Variants in PRKCI observed in about 807,000 individuals in gnomAD.
The protein encoded by PRKCI is protein kinase C iota.
Under a neutral mutation model 84.0 loss-of-function variants are expected in PRKCI, and 43 were observed. The observed-to-expected ratio is 0.51, with a 90% confidence interval of 0.40 to 0.66. The LOEUF (loss-of-function observed/expected upper bound fraction) is 0.66. Ranked by LOEUF, PRKCI falls within the 30% of genes least tolerant of loss-of-function variation. The pLI is 0.00. For missense variants in PRKCI, 459 were observed against 745.6 expected (o/e 0.62, Z 4.48); for synonymous variants, 216 against 234.4 (o/e 0.92, Z 0.72).
chr3:170,237,661 C>G (rs1187492182), intron 2 of PRKCI, among the ~76,000 whole-genome samples: 4 of 152,152 alleles, frequency 2.6e-5, no homozygotes, highest in Non-Finnish European at 1.5e-5. Flanking sequence ...GGGATCATTT[C>G]TATCTTCCCT....
intron 5 of PRKCI, among the ~76,000 whole-genome samples, chr3:170,268,920 T>A (rs535734871): frequency 5.3e-4 from 80 of 152,244 alleles, no homozygotes; most frequent in Admixed American, 1.3e-3. Flanking sequence ...TTATTTATTT[T>A]TTTTTTATTT....
intron 8 of PRKCI, among the ~76,000 whole-genome samples, chr3:170,276,987 T>C (rs1308690669): frequency 6.6e-6 from 1 of 151,338 alleles, no homozygotes; most frequent in African/African-American, 2.4e-5. Flanking sequence ...ACACCAGTAA[T>C]CCCAGCACTT....
intron 14 of PRKCI, among the ~76,000 whole-genome samples, chr3:170,295,420 G>C (rs941955780): frequency 3.9e-5 from 6 of 151,994 alleles, no homozygotes; most frequent in African/African-American, 1.4e-4. Context: ...TGTAATCCCA[G>C]CACTTTGGGA....
intron 1 of PRKCI, among the ~76,000 whole-genome samples, chr3:170,229,141 A>G (rs921922276): frequency 6.6e-6 from 1 of 152,142 alleles, no homozygotes. Context: ...CGGTATATTT[A>G]TAAGTATAGA....
intron 2 of PRKCI, among the ~76,000 whole-genome samples, chr3:170,235,566 C>CTTTT (rs199938459): frequency 7.3e-6 from 1 of 136,238 alleles, no homozygotes. Flanking sequence ...ATTAACTTGA[C>CTTTT]TTTTTTTTTT....
At chr3:170,285,840 A>G (rs1577370419) in intron 12 of PRKCI, among the ~76,000 whole-genome samples, 1 of 147,238 alleles carries the variant, frequency 6.8e-6, no homozygotes, top group Non-Finnish European at 1.5e-5. Flanking sequence ...CGCCTCCTGG[A>G]TTCAAGCCGT....
intron 16 of PRKCI, among the ~76,000 whole-genome samples, chr3:170,298,421 T>C (rs533019235): frequency 7.3e-5 from 11 of 149,876 alleles, no homozygotes; most frequent in Admixed American, 6.6e-4. Flanking sequence ...TTTTTTTTTT[T>C]TGAGATGGTG....
At chr3:170,301,994 T>C (rs1293128832) in intron 17 of PRKCI, among the ~76,000 whole-genome samples, 1 of 152,186 alleles carries the variant, frequency 6.6e-6, no homozygotes, top group African/African-American at 2.4e-5. Flanking sequence ...CATTCCCTAG[T>C]AGTATTATTG....
At chr3:170,243,375 A>G (rs966468357) in intron 2 of PRKCI, among the ~76,000 whole-genome samples, 1 of 152,186 alleles carries the variant, frequency 6.6e-6, no homozygotes, top group Admixed American at 6.5e-5. Flanking sequence ...GCTGAGTAGT[A>G]TTCTATCCTG....
chr3:170,276,092 C>A (rs2108856547), intron 8 of PRKCI, among the ~76,000 whole-genome samples: 1 of 152,000 alleles, frequency 6.6e-6, no homozygotes, highest in South Asian at 2.1e-4. Flanking sequence ...TGCCACCACA[C>A]CCAGCTAATT....
Position 170,291,673 on chromosome 3 carries a change from G to A in PRKCI, c.1204-181G>A, listed in dbSNP as rs748991884. 25 of 511,566 alleles carry A rather than the reference G, an allele frequency of 4.9e-5. No homozygotes were observed. The South Asian group carries it at 5.2e-4, about 11-fold the overall frequency. 31.7% of individuals were successfully genotyped at this position (511,566 alleles called of 1,614,324 possible). A position where few individuals can be genotyped will look rare whatever the true frequency, so the allele number is the denominator to read the frequency against. On this transcript the variant is annotated intron_variant, in intron 12 of 17. Transcript: ENST00000295797. ...GATCGTGCCACTGCATGCCAGCCTG[G>A]GCGACAGAGCAAGACCCTGTCAAAA...
At chr3:170,250,409 A>G (rs997034061) in intron 2 of PRKCI, among the ~76,000 whole-genome samples, 45 of 148,990 alleles carry the variant, frequency 3.0e-4, no homozygotes, top group African/African-American at 1.0e-3. Flanking sequence ...ATCACCATCA[A>G]TTATAGAACA....
intron 1 of PRKCI, among the ~76,000 whole-genome samples, chr3:170,233,225 G>A (rs1732849695): frequency 6.6e-6 from 1 of 150,630 alleles, no homozygotes; most frequent in Non-Finnish European, 1.5e-5. Context: ...ATTCTTTTGG[G>A]GGTTTATTTT....
chr3:170,260,520 G>T (rs931025065), intron 3 of PRKCI, among the ~76,000 whole-genome samples: 1 of 152,106 alleles, frequency 6.6e-6, no homozygotes, highest in Non-Finnish European at 1.5e-5. Flanking sequence ...GGAGTACAGT[G>T]GTATGATCTC....
intron 2 of PRKCI, among the ~76,000 whole-genome samples, chr3:170,252,551 C>T (rs777097383): frequency 2.0e-5 from 3 of 151,700 alleles, no homozygotes; most frequent in Non-Finnish European, 4.4e-5. Flanking sequence ...ACTGTAATTA[C>T]CCTGTTGTGC....
chr3:170,289,973 T>C (rs1434166291), intron 12 of PRKCI, among the ~76,000 whole-genome samples: 1 of 151,754 alleles, frequency 6.6e-6, no homozygotes, highest in African/African-American at 2.4e-5. Context: ...CTTGGGAGGC[T>C]GAGGCGTGAG....
At chr3:170,238,187 A>G (rs11714318) in intron 2 of PRKCI, among the ~76,000 whole-genome samples, 47,797 of 151,806 alleles carry the variant, frequency 0.31, 8,469 homozygotes, top group Middle Eastern at 0.48. Flanking sequence ...GCATAGTGAA[A>G]CCCCATCTCT....
intron 2 of PRKCI, among the ~76,000 whole-genome samples, chr3:170,242,722 G>T (rs151150552): frequency 0.016 from 2,477 of 152,058 alleles, 84 homozygotes; most frequent in African/African-American, 0.057. Context: ...CCAGGCTGGG[G>T]TGCAGTGGTG....
chr3:170,226,011 C>G (rs1682258092), intron 1 of PRKCI, among the ~76,000 whole-genome samples: 1 of 151,988 alleles, frequency 6.6e-6, no homozygotes, highest in South Asian at 2.1e-4. Context: ...CTCCCAGGTT[C>G]AAGGGATTCT....
Sources: allele counts gnomAD v4.1 joint callset (sites outside exome capture counted in the v4.1 genomes callset), GRCh38; gene constraint gnomAD v4.1.1; transcripts MANE v1.5; gene names NCBI Gene and HGNC (gene_info 2026-07-23, HGNC 2026-07-21).